The following DOCK1 variants were observed in gnomAD, a reference collection of about 807,000 sequenced individuals.
DOCK1 encodes dedicator of cytokinesis 1, also known as dedicator of cytokinesis protein 1.
In DOCK1, 138 loss-of-function variants were observed where a neutral mutation model predicts 262.7. The ratio of observed to expected loss-of-function variants is 0.53; its 90% CI spans 0.46 to 0.61. The LOEUF (loss-of-function observed/expected upper bound fraction) is 0.61, where lower values mean the gene tolerates loss of function less well. Ranked by LOEUF, DOCK1 falls within the 20% of genes least tolerant of loss-of-function variation. The pLI, the probability that DOCK1 is intolerant of heterozygous loss-of-function variation, is 0.00. For synonymous variants in DOCK1, 866 were observed against 867.4 expected (o/e 1.00, Z 0.03); for missense variants, 1,908 against 2,370.7 (o/e 0.80, Z 4.05).
intron 37 of DOCK1, among the ~76,000 whole-genome samples, chr10:127,384,505 A>G (rs878565): frequency 0.75 from 114,251 of 152,176 alleles, 43,043 homozygotes; most frequent in African/African-American, 0.82. Flanking sequence ...TTTGTCCCGG[A>G]ATGTTAGGAG....
At chr10:127,208,572 A>G (rs559581253) in intron 27 of DOCK1, among the ~76,000 whole-genome samples, 1 of 152,338 alleles carries the variant, frequency 6.6e-6, no homozygotes, top group Non-Finnish European at 1.5e-5. Context: ...TCACTAAAAT[A>G]AAAATCAATA....
intron 29 of DOCK1, among the ~76,000 whole-genome samples, chr10:127,333,100 T>TC (rs990488031): frequency 6.6e-6 from 1 of 152,182 alleles, no homozygotes; most frequent in Non-Finnish European, 1.5e-5. Context: ...TTTCCTTTTT[T>TC]CCCACCCATT....
chr10:127,302,311 G>A (rs2061708758), intron 29 of DOCK1, among the ~76,000 whole-genome samples: 1 of 152,122 alleles, frequency 6.6e-6, no homozygotes. Flanking sequence ...GCAGAGTCGT[G>A]TGCAGACCAG....
chr10:127,065,208 A>T (rs2045788394), intron 23 of DOCK1, among the ~76,000 whole-genome samples: 1 of 151,984 alleles, frequency 6.6e-6, no homozygotes, highest in African/African-American at 2.4e-5. Flanking sequence ...ACGGGGTTTC[A>T]CCATGTTAGC....
At chr10:126,979,585 C>A (rs924518153) in intron 3 of DOCK1, among the ~76,000 whole-genome samples, 3 of 152,156 alleles carry the variant, frequency 2.0e-5, no homozygotes, top group Admixed American at 6.5e-5. Flanking sequence ...AATTTGAGAT[C>A]TCTTCCATTC....
chr10:127,189,442 C>G (rs1436853466), intron 27 of DOCK1, among the ~76,000 whole-genome samples: 3 of 152,196 alleles, frequency 2.0e-5, no homozygotes, highest in Non-Finnish European at 4.4e-5. Context: ...TTCTGTCATT[C>G]AGCCTCACCC....
Position 127,451,374 on chromosome 10 carries a change from C to T in DOCK1, c.5608C>T (p.Pro1870Ser). The T allele has an allele frequency of 1.9e-6, 3 of 1,600,504 alleles. No homozygotes were observed. The highest frequency in any genetic ancestry group is 1.1e-5 in the South Asian group (1 of 88,036). The stretch of plus-strand genomic sequence containing the variant: ...GCCCAGCAAAACTCCGCCTCCTCCC[C>T]CTCCAAAGACAACTCGCAAGCAGGC... ...PLPSKTPPPPPPKTTRKQASV... is the reference protein window; with the variant it reads ...PLPSKTPPPPSPKTTRKQASV... Residue 1870 changes from proline (P) to serine (S), a missense_variant, in exon 52 of 52, where the codon CCT becomes TCT. Coordinates refer to ENST00000623213, the MANE Select transcript of DOCK1 (RefSeq NM_001290223.2).
intron 27 of DOCK1, among the ~76,000 whole-genome samples, chr10:127,228,095 C>T (rs1325008124): frequency 1.3e-5 from 2 of 152,234 alleles, no homozygotes; most frequent in South Asian, 2.1e-4. Flanking sequence ...AAAATCAAAA[C>T]GATTTTCCAT....
At chr10:127,347,854 CTTCCCTTCCCT>C in intron 31 of DOCK1, among the ~76,000 whole-genome samples, 1 of 64,868 alleles carries the variant, frequency 1.5e-5, no homozygotes, top group African/African-American at 7.1e-5. Context: ...CTTCCCTTCC[CTTCCCTTCCCT>C]TCCCTTCCCT....
chr10:127,371,271 G>T (rs2065193616), intron 33 of DOCK1, among the ~76,000 whole-genome samples: 1 of 152,234 alleles, frequency 6.6e-6, no homozygotes, highest in African/African-American at 2.4e-5. Context: ...CTAATAAACA[G>T]ATCAGGGTGG....
intron 38 of DOCK1, among the ~76,000 whole-genome samples, chr10:127,401,254 G>A (rs748986293): frequency 2.0e-5 from 3 of 152,158 alleles, no homozygotes; most frequent in African/African-American, 4.8e-5. Flanking sequence ...CGTCTCCCAC[G>A]TGGCGGTGTT....
intron 2 of DOCK1, among the ~76,000 whole-genome samples, chr10:126,972,176 A>G (rs2038162690): frequency 1.3e-5 from 2 of 152,126 alleles, no homozygotes; most frequent in South Asian, 4.2e-4. Flanking sequence ...TCGGCCTCCC[A>G]AAGTGCTAGG....
chr10:126,928,406 A>C (rs2033931302), intron 1 of DOCK1, among the ~76,000 whole-genome samples: 1 of 152,128 alleles, frequency 6.6e-6, no homozygotes, highest in South Asian at 2.1e-4. Context: ...TTAAGCCTCC[A>C]GCTTAAGATG....
intron 1 of DOCK1, among the ~76,000 whole-genome samples, chr10:126,957,576 C>G (rs1245985930): frequency 6.6e-6 from 1 of 152,098 alleles, no homozygotes; most frequent in African/African-American, 2.4e-5. Flanking sequence ...GCCCTCAACT[C>G]CTGGGCTCAA....
intron 25 of DOCK1, 127 bp from the exon 26 acceptor site, chr10:127,125,347 C>T: frequency 7.6e-7 from 1 of 1,315,152 alleles, no homozygotes; most frequent in South Asian, 1.3e-5. Context: ...GACCCCCCTC[C>T]AGATGTCAGT....
At chr10:127,063,065 A>G (rs547278130) in intron 23 of DOCK1, among the ~76,000 whole-genome samples, 32 of 152,314 alleles carry the variant, frequency 2.1e-4, no homozygotes, top group Middle Eastern at 3.4e-3. Flanking sequence ...GGCGGTTTTC[A>G]CTGGGCTGAC....
Position 127,348,057 on chromosome 10 carries a change from A to G in DOCK1, c.3224+4311A>G, listed in dbSNP as rs1487627241. ...ATTTTCATTCTAAAGACATTCCCCA[A>G]AGTGCATGGGAGTAAATAAAAGAAT... On this transcript the variant is annotated intron_variant, in intron 31 of 51. Coordinates refer to ENST00000623213, the MANE Select transcript of DOCK1 (RefSeq NM_001290223.2). Among the ~76,000 whole-genome samples the G allele has an allele frequency of 2.0e-5, 3 of 151,584 alleles. No homozygotes were observed. The East Asian group carries it at 5.9e-4, about 30-fold the overall frequency.
At chr10:126,920,816 G>C (rs573409522) in intron 1 of DOCK1, among the ~76,000 whole-genome samples, 3 of 152,178 alleles carry the variant, frequency 2.0e-5, no homozygotes, top group Non-Finnish European at 2.9e-5. Flanking sequence ...AGGCTGGTCC[G>C]AGTGCAGTGG....
intron 1 of DOCK1, among the ~76,000 whole-genome samples, chr10:126,946,821 A>G (rs1419489975): frequency 6.6e-6 from 1 of 152,190 alleles, no homozygotes; most frequent in Non-Finnish European, 1.5e-5. Context: ...CTTGATGGAC[A>G]CTTGTGACAT....
Sources: gnomAD v4.1 joint callset for allele counts (sites outside exome capture counted in the v4.1 genomes callset) on GRCh38, gnomAD v4.1.1 for gene constraint, MANE v1.5 for transcripts, NCBI Gene and HGNC (gene_info 2026-07-23, HGNC 2026-07-21) for gene names.